Variants in ANKMY1 observed in about 807,000 individuals in gnomAD.
ANKMY1 encodes the protein ankyrin repeat and MYND domain containing 1.
ANKMY1 carries 98 observed loss-of-function variants against 102.0 expected under a neutral mutation model. The ratio of observed to expected loss-of-function variants is 0.96; its 90% confidence interval spans 0.82 to 1.14. The LOEUF (loss-of-function observed/expected upper bound fraction) is 1.14. Ranked by LOEUF, ANKMY1 falls within the 50% of genes most tolerant of loss-of-function variation. ANKMY1 has a pLI of 0.00. For synonymous variants in ANKMY1, 582 were observed against 559.9 expected, an observed-to-expected ratio of 1.04 and a Z score of -0.56; for missense variants, 1,330 against 1,347.6, an observed-to-expected ratio of 0.99 and a Z score of 0.20.
At chr2:240,516,813 G>T (rs1180933740) in intron 9 of ANKMY1, among the ~76,000 whole-genome samples, 1 of 152,194 alleles carries the variant, frequency 6.6e-6, no homozygotes, top group Non-Finnish European at 1.5e-5. Flanking sequence ...GTGTTAACCC[G>T]GTATGACTGC....
Position 240,512,016 on chromosome 2 carries a change from G to A in ANKMY1, c.2146-15C>T, listed in dbSNP as rs769861446. 1.3e-6 allele frequency: 2 copies of A among 1,523,730 alleles called. No individual in the cohort carries two copies. The highest frequency in any genetic ancestry group is 2.9e-5 in the African/African-American group (2 of 68,838). The allele number at this position is 1,523,730 out of a possible 1,614,324, so 94.4% of individuals were successfully genotyped here. On this transcript the variant is annotated splice_polypyrimidine_tract_variant and intron_variant, in intron 10 of 17. Coordinates refer to ENST00000401804, the MANE Select transcript of ANKMY1 (RefSeq NM_001282771.3). ...AGCAGGTCCAGCTGTGTAAAACGGA[G>A]GGCTCCGCCAGCGCCCACGGACCTG...
chr2:240,502,082 C>G (rs1350622000), intron 13 of ANKMY1, among the ~76,000 whole-genome samples: 3 of 152,204 alleles, frequency 2.0e-5, no homozygotes, highest in Non-Finnish European at 4.4e-5. Flanking sequence ...TGGGTACAGG[C>G]TGCCACAGGG....
chr2:240,560,065 G>T (rs1029608655), upstream of ANKMY1: 1 of 152,362 alleles, frequency 6.6e-6, no homozygotes, highest in African/African-American at 2.4e-5. Context: ...GGTCTATGAA[G>T]AAGTGATGAA....
intron 9 of ANKMY1, among the ~76,000 whole-genome samples, chr2:240,516,861 G>A (rs1163457095): frequency 6.6e-6 from 1 of 152,216 alleles, no homozygotes; most frequent in Admixed American, 6.5e-5. Context: ...TGACTGCATG[G>A]ACTGAGGTAA....
chr2:240,559,751 C>T (rs538154404), upstream of ANKMY1, among the ~76,000 whole-genome samples: 3 of 152,328 alleles, frequency 2.0e-5, no homozygotes, highest in South Asian at 6.2e-4. Flanking sequence ...GAGTCTTTAG[C>T]TCAAGAGTGA....
chr2:240,519,987 C>A, intron 9 of ANKMY1: 7 of 455,190 alleles, frequency 1.5e-5, no homozygotes, highest in South Asian at 1.2e-4. Flanking sequence ...AACCCTTTGC[C>A]TCTCCTGCCT....
chr2:240,494,565 C>T (rs543612799), intron 15 of ANKMY1, among the ~76,000 whole-genome samples: 66 of 152,286 alleles, frequency 4.3e-4, no homozygotes, highest in African/African-American at 1.6e-3. Flanking sequence ...TAATACTCCA[C>T]AGTCCCAGGG....
At chr2:240,548,201 G>A (rs2090816770) in intron 4 of ANKMY1, among the ~76,000 whole-genome samples, 1 of 152,092 alleles carries the variant, frequency 6.6e-6, no homozygotes, top group Admixed American at 6.5e-5. Flanking sequence ...ATGCAAGGGT[G>A]GTTCAATATA....
upstream of ANKMY1, chr2:240,560,969 C>T (rs770754483): frequency 4.0e-6 from 6 of 1,517,182 alleles, no homozygotes; most frequent in South Asian, 7.3e-5. Context: ...CGGTGCGCGC[C>T]GGCGGCGCCT....
At chr2:240,541,592 T>C (rs1472196886) in intron 4 of ANKMY1, among the ~76,000 whole-genome samples, 1 of 142,198 alleles carries the variant, frequency 7.0e-6, no homozygotes, top group East Asian at 2.3e-4. Context: ...AAGCTCCGCC[T>C]CCCAGGTTCA....
intron 13 of ANKMY1, among the ~76,000 whole-genome samples, chr2:240,502,863 C>T (rs958692712): frequency 3.9e-5 from 6 of 151,918 alleles, no homozygotes; most frequent in African/African-American, 1.5e-4. Flanking sequence ...GACATCATTG[C>T]CTCCGCCCTA....
At chr2:240,472,027 G>A in the ANKMY1 span, among the ~76,000 whole-genome samples, 10 of 152,272 alleles carry the variant, frequency 6.6e-5, no homozygotes, top group East Asian at 1.7e-3. Context: ...CCCCTCAGCT[G>A]CAGTCTGAAA....
rs1434282696 is a variant in ANKMY1, at chr2:240,520,626, G to C, written c.1833-93C>G. 5 of 1,447,808 alleles carry C rather than the reference G, an allele frequency of 3.5e-6. No individual in the cohort carries two copies. Among genetic ancestry groups the C allele is most frequent in the Non-Finnish European group, 4.6e-6 (5 of 1,087,150 alleles). The allele number at this position is 1,447,808 out of a possible 1,614,324, so 89.7% of individuals were successfully genotyped here. A position where few individuals can be genotyped will look rare whatever the true frequency, so the allele number is the denominator to read the frequency against. On this transcript the variant is annotated intron_variant, in intron 8 of 17. Transcript: ENST00000401804. The surrounding 1 kb of genome is among the most constrained non-coding windows in gnomAD (Gnocchi z 4.8). ...ATGCCAGCGAGGAGGCTGGGGAGGG[G>C]CGCGTAGGGAGTATGTGTGTGCCGC... is the stretch of plus-strand genomic sequence containing the variant.
intron 14 of ANKMY1, 28 bp from the exon 15 acceptor site, chr2:240,500,151 G>A: frequency 6.4e-7 from 1 of 1,556,688 alleles, no homozygotes; most frequent in Non-Finnish European, 8.7e-7. Context: ...GGTCACCACA[G>A]GGTCCCGGGC....
chr2:240,543,248 G>A (rs913234316), intron 4 of ANKMY1, among the ~76,000 whole-genome samples: 2 of 151,730 alleles, frequency 1.3e-5, no homozygotes, highest in Non-Finnish European at 2.9e-5. Context: ...AGCTACTCGG[G>A]AGGCTGAGGC....
At chr2:240,482,429 C>T (rs10804408) in intron 15 of ANKMY1, among the ~76,000 whole-genome samples, 168 bp from the exon 16 acceptor site, 37,794 of 152,192 alleles carry the variant, frequency 0.25, 5,700 homozygotes, top group East Asian at 0.67. Context: ...GGACGCAGAG[C>T]GGGATGTGGA....
At chr2:240,554,840 G>A in intron 3 of ANKMY1, 26 bp downstream of exon 3, 1 of 1,612,692 alleles carries the variant, frequency 6.2e-7, no homozygotes, top group Non-Finnish European at 8.5e-7. Context: ...TAGGGGAGGA[G>A]GCGGAGAAAG....
intron 3 of ANKMY1, chr2:240,554,061 T>C (rs1447842328): frequency 6.6e-6 from 1 of 152,224 alleles, no homozygotes; most frequent in African/African-American, 2.4e-5. Context: ...GTGAAGGGCA[T>C]GGCAGTTTTC....
chr2:240,469,342 C>CA, the ANKMY1 span, among the ~76,000 whole-genome samples: 3 of 152,206 alleles, frequency 2.0e-5, no homozygotes, highest in Admixed American at 2.0e-4. Context: ...CACCTCAGAC[C>CA]ACCAGGGAGC....
Sources: allele counts gnomAD v4.1 joint callset (sites outside exome capture counted in the v4.1 genomes callset), GRCh38; gene constraint gnomAD v4.1.1; non-coding constraint Gnocchi (gnomAD v3.1); transcripts MANE v1.5; gene names NCBI Gene and HGNC (gene_info 2026-07-23, HGNC 2026-07-21).